SMAD7: variants seen among roughly 807,000 people sequenced by gnomAD.
SMAD7 encodes the protein SMAD family member 7, also known as MAD (mothers against decapentaplegic, Drosophila) homolog 7.
A neutral mutation model predicts 38.7 loss-of-function variants in SMAD7; 8 were observed. The ratio of observed to expected loss-of-function variants is 0.21; its 90% confidence interval spans 0.12 to 0.37. The LOEUF (loss-of-function observed/expected upper bound fraction) is 0.37. Ranked by LOEUF, SMAD7 falls within the 10% of genes least tolerant of loss-of-function variation. The probability of loss-of-function intolerance (pLI) is 1.00; values close to 1 mark genes in which losing one functional copy is unlikely to be tolerated. For missense variants in SMAD7, 477 were observed against 577.9 expected, an observed-to-expected ratio of 0.83 and a Z score of 1.79; for synonymous variants, 327 against 265.1, an observed-to-expected ratio of 1.23 and a Z score of -2.27.
At chr18:48,949,190 T>C in intron 1 of SMAD7, 1 of 625,422 alleles carries the variant, frequency 1.6e-6, no homozygotes, top group Non-Finnish European at 2.0e-6. Flanking sequence ...TTTGTTCCTC[T>C]GCACCCTGGG....
rs1369490018 is a variant in SMAD7, at chr18:48,942,487, GC to G, written c.735del (p.Leu246PhefsTer78). 6.3e-7 allele frequency: 1 copy of G among 1,575,612 alleles called. No homozygotes were observed. Among genetic ancestry groups the G allele is most frequent in the Non-Finnish European group, 8.6e-7 (1 of 1,164,504 alleles). Reference sequence around the variant, plus strand: ...ATAAGAGAAAGCATCTTACCTGAAAGCCCCCCAGGGGCCAGATAATTCGTTC... The same window carrying G: ...ATAAGAGAAAGCATCTTACCTGAAAGCCCCCAGGGGCCAGATAATTCGTTC... ...TGGTNYLAPG[G>X]LSDSQLLLEP... On this transcript the variant is annotated frameshift_variant, in exon 3 of 4. Coordinates refer to ENST00000262158, the MANE Select transcript of SMAD7 (RefSeq NM_005904.4). LOFTEE classifies it high-confidence loss of function.
At chr18:48,926,620 G>T (rs1460643671) in intron 3 of SMAD7, among the ~76,000 whole-genome samples, 1 of 152,262 alleles carries the variant, frequency 6.6e-6, no homozygotes, top group Non-Finnish European at 1.5e-5. Flanking sequence ...GGCTCCCTGT[G>T]CCAATCAGGG....
At chr18:48,948,658 G>C (rs1235048882) in intron 1 of SMAD7, among the ~76,000 whole-genome samples, 1 of 152,238 alleles carries the variant, frequency 6.6e-6, no homozygotes, top group Non-Finnish European at 1.5e-5. Context: ...GTCTGCGGCC[G>C]CAGCCGCCGC....
At chr18:48,929,676 G>A (rs1248315088) in intron 3 of SMAD7, among the ~76,000 whole-genome samples, 1 of 151,412 alleles carries the variant, frequency 6.6e-6, no homozygotes, top group African/African-American at 2.4e-5. Context: ...ACCCCTAGAA[G>A]GACAGGACAG....
chr18:48,937,532 C>T (rs1424147320), intron 3 of SMAD7, among the ~76,000 whole-genome samples: 1 of 152,182 alleles, frequency 6.6e-6, no homozygotes, highest in Non-Finnish European at 1.5e-5. Context: ...CTGCCTCATT[C>T]TTTCCAGGAC....
Position 48,942,495 on chromosome 18 carries a change from G to A in SMAD7, c.728C>T (p.Pro243Leu). The change falls in exon 3 of 4, where the codon CCT (proline) becomes CTT (leucine). Residue 243 changes from proline to leucine, a missense_variant. Around this residue, in one of 2 missense-constraint regions of SMAD7, gnomAD observed 376 missense variants for 379.4 expected, o/e 0.99. Transcript: ENST00000262158. ...AETGGTNYLA[P>L]GGLSDSQLLL... is the part of the protein sequence containing the mutation. ...AAGCATCTTACCTGAAAGCCCCCCA[G>A]GGGCCAGATAATTCGTTCCCCCTGT... is the stretch of plus-strand genomic sequence containing the variant. The A allele has an allele frequency of 1.9e-6, 3 of 1,593,298 alleles. No individual in the cohort carries two copies. The highest frequency in any genetic ancestry group is 2.6e-6 in the Non-Finnish European group (3 of 1,172,566).
In SMAD7 at chr18:48,921,557, TG is replaced by T; in HGVS notation, c.1095del (p.Ile366SerfsTer35). The T allele has an allele frequency of 6.2e-7, 1 of 1,614,230 alleles. No individual in the cohort carries two copies. Among genetic ancestry groups the T allele is most frequent in the Non-Finnish European group, 8.5e-7 (1 of 1,180,046 alleles). ...LLVHKVFPGFSIKAFDYEKAY... is the reference protein window; with the variant it reads ...LLVHKVFPGFXIKAFDYEKAY... ...GCCTTCTCGTAGTCGAAAGCCTTGATGGAGAAACCGGGGAACACCTTGTGTA... is the reference window on the plus strand; with the variant it reads ...GCCTTCTCGTAGTCGAAAGCCTTGATGAGAAACCGGGGAACACCTTGTGTA... On this transcript the variant is annotated frameshift_variant, in exon 4 of 4. Transcript: ENST00000262158. LOFTEE classifies it high-confidence loss of function. This position sits in a 1 kb window ranked among gnomAD's most constrained non-coding sequence, Gnocchi z 6.4.
At position 48,950,154 on chromosome 18, in the gene SMAD7, C is replaced by G; in HGVS notation, c.271G>C (p.Asp91His). ...GAGAAGGAEA[D>H]LKALTHSVLK... ...ACCGAGTGCGTGAGCGCCTTCAGAT[C>G]CGCCTCGGCGCCCCCGGCCGCGCCG... Residue 91 changes from aspartate to histidine, a missense_variant, in exon 1 of 4, where the codon GAT (aspartate) becomes CAT (histidine). Coordinates refer to ENST00000262158, the MANE Select transcript of SMAD7 (RefSeq NM_005904.4). 1 of 1,492,730 alleles carries G rather than the reference C, an allele frequency of 6.7e-7. No individual in the cohort carries two copies. The allele number at this position is 1,492,730 out of a possible 1,614,324, so 92.5% of individuals were successfully genotyped here.
intron 2 of SMAD7, among the ~76,000 whole-genome samples, chr18:48,947,333 T>C (rs1348174946): frequency 1.3e-5 from 2 of 152,160 alleles, no homozygotes; most frequent in Non-Finnish European, 2.9e-5. Context: ...ATTTAATTTA[T>C]GACAACGCCC....
chr18:48,943,207 C>A lies in SMAD7; in HGVS notation c.668-652G>T, dbSNP rs560222689. 4.1e-4 allele frequency among the ~76,000 whole-genome samples: 63 copies of A among 152,306 alleles called. No individual in the cohort carries two copies. The South Asian group carries it at 0.013, about 31-fold the overall frequency. ...CGGAGGGGAAATGTTCTACCTCTCC[C>A]AGGCTAGTCCAAACCCCTCATCTCT... On this transcript the variant is annotated intron_variant, in intron 2 of 3. Coordinates refer to ENST00000262158, the MANE Select transcript of SMAD7 (RefSeq NM_005904.4).
chr18:48,939,375 AC>A (rs1334929544), intron 3 of SMAD7, among the ~76,000 whole-genome samples: 1 of 63,132 alleles, frequency 1.6e-5, no homozygotes. Flanking sequence ...TCGTCTACCC[AC>A]CCCCCCACAC....
At chr18:48,922,493 G>A (rs1305901660) in intron 3 of SMAD7, among the ~76,000 whole-genome samples, 3 of 126,346 alleles carry the variant, frequency 2.4e-5, no homozygotes, top group East Asian at 2.7e-4. Flanking sequence ...AATCAGTGCC[G>A]TGGTCATGAG....
At chr18:48,946,436 G>GGT (rs1555718208) in intron 2 of SMAD7, among the ~76,000 whole-genome samples, 1 of 152,046 alleles carries the variant, frequency 6.6e-6, no homozygotes, top group Non-Finnish European at 1.5e-5. Context: ...GGGGCGGGGG[G>GGT]GGTGTGCTCC....
intron 3 of SMAD7, among the ~76,000 whole-genome samples, chr18:48,932,893 T>C (rs993855693): frequency 3.3e-5 from 5 of 152,088 alleles, no homozygotes; most frequent in Non-Finnish European, 5.9e-5. Flanking sequence ...ACATCCCACT[T>C]CTCCTCTGGC....
At chr18:48,922,116 C>T (rs1000366757) in intron 3 of SMAD7, among the ~76,000 whole-genome samples, 7 of 152,174 alleles carry the variant, frequency 4.6e-5, no homozygotes, top group Non-Finnish European at 5.9e-5. Context: ...GCATAGGAAG[C>T]GCTGGGTGCT....
intron 3 of SMAD7, among the ~76,000 whole-genome samples, chr18:48,926,874 G>C (rs940118956): frequency 6.6e-6 from 1 of 152,164 alleles, no homozygotes; most frequent in Non-Finnish European, 1.5e-5. Context: ...GCCCTCTTCA[G>C]GGACAAGCCT....
Position 48,948,403 on chromosome 18 carries a change from C to A in SMAD7, c.648G>T (p.Met216Ile). 1 of 1,601,866 alleles carries A rather than the reference C, an allele frequency of 6.2e-7. No homozygotes were observed. The change falls in exon 2 of 4, where the codon ATG becomes ATT. Residue 216 changes from methionine (M) to isoleucine (I), a missense_variant. Transcript: ENST00000262158. ...SPPPPYSRYP[M>I]DFLKPTADCP... ...ACTCACCAGTTGGTTTGAGAAAATC[C>A]ATCGGGTATCTGGAGTAAGGAGGGG...
intron 3 of SMAD7, among the ~76,000 whole-genome samples, chr18:48,938,444 C>T (rs1485204943): frequency 6.6e-6 from 1 of 152,192 alleles, no homozygotes; most frequent in Non-Finnish European, 1.5e-5. Flanking sequence ...CTGCCTCCTA[C>T]CTCCCTCCTT....
chr18:48,933,971 C>T (rs1460873786), intron 3 of SMAD7, among the ~76,000 whole-genome samples: 1 of 152,218 alleles, frequency 6.6e-6, no homozygotes, highest in Non-Finnish European at 1.5e-5. Context: ...ACACACAGGT[C>T]TCTTTCTTTC....
Sources: gnomAD v4.1 joint callset for allele counts (sites outside exome capture counted in the v4.1 genomes callset) on GRCh38, gnomAD v4.1.1 for gene constraint, gnomAD v4.1.1 regional missense constraint, Gnocchi (gnomAD v3.1) non-coding constraint, MANE v1.5 for transcripts, NCBI Gene and HGNC (gene_info 2026-07-23, HGNC 2026-07-21) for gene names.